Variants in SYT14 observed in about 807,000 individuals in gnomAD.
The protein encoded by SYT14 is synaptotagmin-14.
SYT14 carries 32 observed loss-of-function variants against 74.2 expected under a neutral mutation model. The ratio of observed to expected loss-of-function variants is 0.43; its 90% CI spans 0.33 to 0.58. SYT14 has a LOEUF of 0.58. SYT14 is among the 20% of genes least tolerant of loss of function. SYT14 has a pLI of 0.05. For missense variants in SYT14, 791 were observed against 981.8 expected (o/e 0.81, Z 2.60); for synonymous variants, 298 against 337.7 (o/e 0.88, Z 1.29).
In SYT14 at chr1:209,948,804, T is replaced by C. The variant is rs922762250; in HGVS notation, c.-533-3905T>C. 3.3e-5 allele frequency among the ~76,000 whole-genome samples: 5 copies of C among 152,174 alleles called. No individual in the cohort carries two copies. The South Asian group carries it at 1.0e-3, about 32-fold the overall frequency. On this transcript the variant is annotated intron_variant, in intron 1 of 9. Coordinates refer to ENST00000637265, the Ensembl canonical transcript of SYT14. The stretch of plus-strand genomic sequence containing the variant: ...TAGTTCTGAGTTCTAGTGTCTCCTG[T>C]TCTGTCATTCTAATATGGTGTCCCA...
chr1:210,060,789 A>G (rs1440233578), intron 5 of SYT14, among the ~76,000 whole-genome samples: 1 of 152,030 alleles, frequency 6.6e-6, no homozygotes, highest in Non-Finnish European at 1.5e-5. Flanking sequence ...TTAAATTTCT[A>G]TGCATCATTT....
At chr1:210,026,456 A>T (rs227231) in intron 5 of SYT14, among the ~76,000 whole-genome samples, 52,082 of 151,906 alleles carry the variant, frequency 0.34, 9,901 homozygotes, top group Non-Finnish European at 0.42. Context: ...GCTTTTTATT[A>T]TTAGTTTACC....
chr1:210,165,387 G>A (rs1422536457), exon 10 of SYT14: 1 of 152,110 alleles, frequency 6.6e-6, no homozygotes, highest in Non-Finnish European at 1.5e-5. Flanking sequence ...TGGTACTTTT[G>A]TGTCATTTTG....
chr1:209,938,579 C>G (rs934544913), intron 1 of SYT14, among the ~76,000 whole-genome samples: 2 of 152,108 alleles, frequency 1.3e-5, no homozygotes, highest in African/African-American at 4.8e-5. Context: ...CGCCTCCTGC[C>G]GGCCGCGCGG....
exon 4 of SYT14, chr1:210,016,446 A>G (rs945669398): frequency 1.6e-6 from 2 of 1,231,974 alleles, no homozygotes; most frequent in Non-Finnish European, 2.0e-6. Context: ...GGCTACATGA[A>G]TAATGGTGGG....
intron 1 of SYT14, among the ~76,000 whole-genome samples, chr1:209,943,537 A>AGG (rs2078772218): frequency 7.4e-6 from 1 of 134,374 alleles, no homozygotes; most frequent in Non-Finnish European, 1.6e-5. Flanking sequence ...AAAAAAAAAA[A>AGG]GAGAATGCAG....
At chr1:210,089,100 A>G (rs144203115) in intron 5 of SYT14, among the ~76,000 whole-genome samples, 2,440 of 152,070 alleles carry the variant, frequency 0.016, 76 homozygotes, top group African/African-American at 0.055. Flanking sequence ...TCATTGTTCA[A>G]TTCCCACTTA....
chr1:210,102,694 G>A (rs2082089160), intron 7 of SYT14, among the ~76,000 whole-genome samples: 1 of 152,032 alleles, frequency 6.6e-6, no homozygotes, highest in African/African-American at 2.4e-5. Flanking sequence ...CCAGAGTCAG[G>A]GTCTCACTCT....
At chr1:210,137,490 C>A (rs1368618883) in intron 7 of SYT14, among the ~76,000 whole-genome samples, 1 of 151,982 alleles carries the variant, frequency 6.6e-6, no homozygotes, top group African/African-American at 2.4e-5. Flanking sequence ...AATTAAGAGT[C>A]CAGAATCCTA....
intron 2 of SYT14, among the ~76,000 whole-genome samples, chr1:209,981,450 CT>C (rs1183885685): frequency 0.028 from 2,743 of 98,954 alleles, 35 homozygotes; most frequent in African/African-American, 0.09. Flanking sequence ...TTTTTCTTTT[CT>C]TTTTTTTTTT....
At chr1:210,120,048 G>C (rs1014664189) in intron 7 of SYT14, among the ~76,000 whole-genome samples, 3 of 151,964 alleles carry the variant, frequency 2.0e-5, no homozygotes, top group Non-Finnish European at 4.4e-5. Flanking sequence ...TCTTAGAATT[G>C]TTTTTATAGG....
chr1:210,169,236 T>TG (rs2083494463), exon 10 of SYT14: 1 of 140,344 alleles, frequency 7.1e-6, no homozygotes, highest in African/African-American at 2.6e-5. Context: ...TTTTTTTTTT[T>TG]TTTTTTTTTT....
At chr1:210,116,477 G>C (rs1349413327) in intron 7 of SYT14, among the ~76,000 whole-genome samples, 2 of 152,142 alleles carry the variant, frequency 1.3e-5, no homozygotes, top group African/African-American at 4.8e-5. Flanking sequence ...CTCCCAAGTT[G>C]CCAGGACCAT....
intron 5 of SYT14, among the ~76,000 whole-genome samples, chr1:210,059,451 T>TATATATATAGAGAGAGAGAG (rs377050610): frequency 3.9e-4 from 27 of 69,894 alleles, no homozygotes; most frequent in African/African-American, 9.4e-4. Flanking sequence ...TATATATATA[T>TATATATATAGAGAGAGAGAG]AGAGAGAGAG....
chr1:210,157,975 T>G (rs919379901), intron 8 of SYT14, among the ~76,000 whole-genome samples: 1 of 152,166 alleles, frequency 6.6e-6, no homozygotes, highest in East Asian at 1.9e-4. Flanking sequence ...TCTGAAGGCT[T>G]AAATTCATAT....
At chr1:210,139,548 G>C (rs1439033475) in intron 7 of SYT14, among the ~76,000 whole-genome samples, 1 of 151,920 alleles carries the variant, frequency 6.6e-6, no homozygotes, top group Non-Finnish European at 1.5e-5. Flanking sequence ...TAAAAGTCAT[G>C]ATTTTTAGAA....
intron 7 of SYT14, among the ~76,000 whole-genome samples, chr1:210,132,809 T>C (rs2082704752): frequency 6.6e-6 from 1 of 152,148 alleles, no homozygotes; most frequent in Non-Finnish European, 1.5e-5. Flanking sequence ...GACAAGTCCC[T>C]AGCCTCTCTT....
intron 5 of SYT14, among the ~76,000 whole-genome samples, chr1:210,083,369 C>A (rs2081654835): frequency 1.3e-5 from 2 of 152,166 alleles, no homozygotes; most frequent in African/African-American, 4.8e-5. Flanking sequence ...TAAAAATGAT[C>A]TGAACTTTTT....
intron 7 of SYT14, among the ~76,000 whole-genome samples, chr1:210,116,495 C>T (rs1010805322): frequency 6.6e-5 from 10 of 152,092 alleles, no homozygotes; most frequent in African/African-American, 1.9e-4. Flanking sequence ...CATAGGCATG[C>T]GCCACCATGT....
Sources: allele counts gnomAD v4.1 joint callset (sites outside exome capture counted in the v4.1 genomes callset), GRCh38; gene constraint gnomAD v4.1.1; transcripts MANE v1.5; gene names NCBI Gene and HGNC (gene_info 2026-07-23, HGNC 2026-07-21).